The following TNC variants were observed in gnomAD, a reference collection of about 807,000 sequenced individuals.
TNC encodes tenascin.
Under a neutral mutation model 202.4 loss-of-function variants are expected in TNC, and 109 were observed. That is an observed-to-expected ratio of 0.54 (90% CI 0.46 to 0.63). The LOEUF is 0.63. Among genes scored for constraint, TNC ranks in the 30% least tolerant of loss-of-function variants. TNC has a pLI of 0.00. For synonymous variants in TNC, 1,007 were observed against 1,089.7 expected (o/e 0.92, Z 1.50); for missense variants, 2,756 against 2,833.3 (o/e 0.97, Z 0.62).
chr9:115,081,826 G>A lies in TNC; in HGVS notation c.2350C>T (p.His784Tyr), dbSNP rs753743190. 4 of 1,612,274 alleles carry A rather than the reference G, an allele frequency of 2.5e-6. No homozygotes were observed. In the Admixed American group the frequency reaches 5.0e-5, roughly 20 times the overall value. ...APGQEYEISL[H>Y]IVKNNTRGPG... ...CCCCGGGTATTGTTTTTCACTATGT[G>A]CAGAGATATCTCATACTCTTGCCCA... is the stretch of plus-strand genomic sequence containing the variant. The change falls in exon 6 of 28, where the codon CAC (histidine) becomes TAC (tyrosine). Residue 784 changes from histidine to tyrosine, a missense_variant. This residue lies in a region of TNC where 2,559 missense variants were observed against 2,546.0 expected (regional missense o/e 1.01). Coordinates refer to ENST00000350763, the MANE Select transcript of TNC (RefSeq NM_002160.4).
chr9:115,038,444 T>G, intron 19 of TNC, 64 bp from the exon 20 acceptor site: 4 of 1,586,488 alleles, frequency 2.5e-6, no homozygotes, highest in Middle Eastern at 2.1e-4. Flanking sequence ...CTAGCTGCTC[T>G]GCTGTCCACA....
Position 115,046,582 on chromosome 9 carries a change from A to G in TNC, c.4953T>C (p.Val1651=). The change falls in exon 17 of 28, where the codon GTT becomes GTC. Residue 1651 remains valine, a synonymous_variant. Transcript: ENST00000350763. The part of the protein sequence containing the change: ...TADEGVFDNF[V]LKIRDTKKQS... ...GCTTTTTGGTATCTCTGATTTTGAG[A>G]ACAAAATTGTCGAAGACCCCTTCAT... 1.2e-5 allele frequency: 19 copies of G among 1,614,058 alleles called. No homozygotes were observed. The highest frequency in any genetic ancestry group is 1.6e-5 in the Non-Finnish European group (19 of 1,179,990).
rs531080356 is a variant in TNC at position 115,056,622 on chromosome 9, G to T, written c.4579+531C>A. 2.6e-5 allele frequency among the ~76,000 whole-genome samples: 4 copies of T among 152,294 alleles called. No individual in the cohort carries two copies. In the South Asian group the frequency reaches 8.3e-4, roughly 32 times the overall value. ...CTGGGGTGGTCTGAATGGCATGGCTGCCTCCTGCACTCATCTGATAAGTAA... is the reference window on the plus strand; with the variant it reads ...CTGGGGTGGTCTGAATGGCATGGCTTCCTCCTGCACTCATCTGATAAGTAA... On this transcript the variant is annotated intron_variant, in intron 15 of 27. Coordinates refer to ENST00000350763, the MANE Select transcript of TNC (RefSeq NM_002160.4).
At chr9:115,080,210 A>C (rs960209103) in intron 6 of TNC, among the ~76,000 whole-genome samples, 3 of 152,220 alleles carry the variant, frequency 2.0e-5, no homozygotes, top group African/African-American at 7.2e-5. Context: ...AAAGCAGACA[A>C]TTCCCAAATT....
chr9:115,052,109 A>C (rs1413018867), intron 15 of TNC, among the ~76,000 whole-genome samples: 1 of 150,330 alleles, frequency 6.7e-6, no homozygotes, highest in East Asian at 1.9e-4. Flanking sequence ...TATATATATA[A>C]TGGAATACTT....
intron 3 of TNC, among the ~76,000 whole-genome samples, chr9:115,085,034 A>G (rs1442607531): frequency 2.0e-5 from 3 of 152,192 alleles, no homozygotes; most frequent in Non-Finnish European, 2.9e-5. Context: ...TTAGATACCA[A>G]TAACTTTAGT....
At position 115,022,137 on chromosome 9, in the gene TNC, T is replaced by C. The variant is rs10817702; in HGVS notation, c.6496-870A>G. Among the ~76,000 whole-genome samples, 1,313 of 152,348 alleles carry C rather than the reference T, an allele frequency of 8.6e-3. 32 individuals are homozygous for C. Among genetic ancestry groups the C allele is most frequent in the East Asian group, 0.081 (421 of 5,186 alleles). On this transcript the variant is annotated intron_variant, in intron 27 of 27. Transcript: ENST00000350763. The stretch of plus-strand genomic sequence containing the variant: ...GCCCCTTGCCCCACTGTGGGGAAGT[T>C]AATGGCTAGTGAGATGGGAAAAAAA...
At position 115,035,130 on chromosome 9, in the gene TNC, G is replaced by A. The variant is rs1027059101; in HGVS notation, c.5787+74C>T. 110 of 1,473,928 alleles carry A rather than the reference G, an allele frequency of 7.5e-5. 1 individual carries two copies. The South Asian group carries it at 1.4e-3, about 19-fold the overall frequency. The allele number at this position is 1,473,928 out of a possible 1,614,324, so 91.3% of individuals were successfully genotyped here. On this transcript the variant is annotated intron_variant, in intron 22 of 27. Coordinates refer to ENST00000350763, the MANE Select transcript of TNC (RefSeq NM_002160.4). ...CACTGGGGTAGAAAAACAGCATCAG[G>A]TAATTCTTCCATACTTTGAAGATCA...
chr9:115,067,723 G>C (rs1005949129), intron 10 of TNC, among the ~76,000 whole-genome samples: 2 of 151,878 alleles, frequency 1.3e-5, no homozygotes, highest in Non-Finnish European at 2.9e-5. Context: ...TGTTTCATCT[G>C]TTCATATAGT....
rs1337956375 is a variant in TNC at position 115,020,697 on chromosome 9, C to T, written c.*460G>A. The T allele has an allele frequency of 3.0e-6, 1 of 332,640 alleles. No homozygotes were observed. The highest frequency in any genetic ancestry group is 5.9e-6 in the Non-Finnish European group (1 of 168,922). The allele number at this position is 332,640 out of a possible 1,614,324, so 20.6% of individuals were successfully genotyped here. On this transcript the variant is annotated 3_prime_UTR_variant, in exon 28 of 28. Coordinates refer to ENST00000350763, the MANE Select transcript of TNC (RefSeq NM_002160.4). ...TATCCTTAAAATGGAAACAGTATTG[C>T]TTTTCTGGTTTCTGTTGTATGAAAT...
At chr9:115,093,376 C>T (rs1835376683) in intron 1 of TNC, among the ~76,000 whole-genome samples, 1 of 152,182 alleles carries the variant, frequency 6.6e-6, no homozygotes. Context: ...TTTGAGCATG[C>T]TTTCTCATTG....
At chr9:115,072,436 A>G (rs774500739) in intron 10 of TNC, among the ~76,000 whole-genome samples, 82 of 152,260 alleles carry the variant, frequency 5.4e-4, no homozygotes, top group Non-Finnish European at 2.4e-4. Context: ...ACCAACTTCT[A>G]TCTTAAGTAA....
chr9:115,060,399 G>T (rs1438363514), intron 13 of TNC, among the ~76,000 whole-genome samples: 1 of 152,214 alleles, frequency 6.6e-6, no homozygotes, highest in Non-Finnish European at 1.5e-5. Context: ...ACTAGCATTT[G>T]CTAGCTGCAT....
chr9:115,092,884 C>G (rs940969910), intron 1 of TNC, among the ~76,000 whole-genome samples: 1 of 152,080 alleles, frequency 6.6e-6, no homozygotes, highest in Admixed American at 6.6e-5. Flanking sequence ...CCGTGCCTGG[C>G]TGCTATTTGG....
rs185710932 is a variant in TNC at position 115,084,090 on chromosome 9, C to T, written c.2131+119G>A. 2.3e-3 allele frequency: 2,528 copies of T among 1,109,880 alleles called. 6 individuals carry two copies. The highest frequency in any genetic ancestry group is 3.1e-3 in the Admixed American group (135 of 42,932). The allele number at this position is 1,109,880 out of a possible 1,614,324, so 68.8% of individuals were successfully genotyped here. A position where few individuals can be genotyped will look rare whatever the true frequency, so the allele number is the denominator to read the frequency against. ...GATTCTATGGACTTAATTCTAGGCT[C>T]TTATTTGGTATAACTGTAAAGAACA... On this transcript the variant is annotated intron_variant, in intron 4 of 27. Transcript: ENST00000350763.
At position 115,084,369 on chromosome 9, in the gene TNC, C is replaced by G. The variant is rs754061814; in HGVS notation, c.1971G>C (p.Thr657=). The G allele has an allele frequency of 1.9e-6, 3 of 1,614,160 alleles. No individual in the cohort carries two copies. Among genetic ancestry groups the G allele is most frequent in the South Asian group, 2.2e-5 (2 of 91,076 alleles). ...TTTCCAGACCACCCTCGTGGGTGGGCGTGTACACGACAAGGTACTCTGTGA... is the reference window on the plus strand; with the variant it reads ...TTTCCAGACCACCCTCGTGGGTGGGGGTGTACACGACAAGGTACTCTGTGA... ...MRVTEYLVVY[T]PTHEGGLEMQ... The change falls in exon 4 of 28, where the codon ACG becomes ACC. Residue 657 remains threonine (T), a synonymous_variant. Coordinates refer to ENST00000350763, the MANE Select transcript of TNC (RefSeq NM_002160.4).
chr9:115,109,025 C>G (rs1836835612), intron 1 of TNC, among the ~76,000 whole-genome samples: 1 of 152,200 alleles, frequency 6.6e-6, no homozygotes, highest in South Asian at 2.1e-4. Context: ...TCTATTGTAT[C>G]ACCAGCCCTA....
At chr9:115,045,497 G>T (rs1224464341) in intron 17 of TNC, among the ~76,000 whole-genome samples, 1 of 151,448 alleles carries the variant, frequency 6.6e-6, no homozygotes, top group African/African-American at 2.4e-5. Flanking sequence ...CTGCAGAGTA[G>T]CTGGTACTAC....
chr9:115,028,188 T>C (rs1289234230), intron 25 of TNC, among the ~76,000 whole-genome samples: 1 of 152,226 alleles, frequency 6.6e-6, no homozygotes, highest in African/African-American at 2.4e-5. Context: ...CTTAAGCTCC[T>C]GCCTTAAGGT....
Sources: allele counts gnomAD v4.1 joint callset (sites outside exome capture counted in the v4.1 genomes callset), GRCh38; gene constraint gnomAD v4.1.1; regional missense constraint gnomAD v4.1.1; transcripts MANE v1.5; gene names NCBI Gene and HGNC (gene_info 2026-07-23, HGNC 2026-07-21).